Variants in PTPRD observed in about 807,000 individuals in gnomAD.
The protein encoded by PTPRD is protein tyrosine phosphatase receptor type D, also known as receptor-type tyrosine-protein phosphatase delta.
Under a neutral mutation model 214.5 loss-of-function variants are expected in PTPRD, and 34 were observed. That is an observed-to-expected ratio of 0.16 (90% CI 0.12 to 0.21). The LOEUF is 0.21. PTPRD is among the 10% of genes least tolerant of loss of function. PTPRD has a pLI of 1.00. For synonymous variants in PTPRD, 1,128 were observed against 845.7 expected (o/e 1.33, Z -5.79); for missense variants, 2,545 against 2,398.7 (o/e 1.06, Z -1.27).
chr9:10,406,788 T>C (rs1029165724), intron 2 of PTPRD, among the ~76,000 whole-genome samples: 1 of 145,142 alleles, frequency 6.9e-6, no homozygotes, highest in Non-Finnish European at 1.5e-5. Context: ...GCAAGAAAAA[T>C]AGATGTAAAA....
chr9:10,186,737 A>C (rs1223087847), intron 3 of PTPRD, among the ~76,000 whole-genome samples: 1 of 152,196 alleles, frequency 6.6e-6, no homozygotes, highest in Non-Finnish European at 1.5e-5. Context: ...TAAATTATTT[A>C]TCTGTATGAC....
At chr9:8,969,361 C>T (rs907561060) in intron 11 of PTPRD, among the ~76,000 whole-genome samples, 32 of 152,020 alleles carry the variant, frequency 2.1e-4, no homozygotes, top group Non-Finnish European at 2.9e-5. Flanking sequence ...CCATCAAAGC[C>T]ACTCCTGAGC....
At chr9:9,375,367 T>G (rs960260727) in intron 9 of PTPRD, among the ~76,000 whole-genome samples, 14 of 152,056 alleles carry the variant, frequency 9.2e-5, no homozygotes, top group African/African-American at 3.4e-4. Context: ...GGAGGCCAAG[T>G]CTGGCAGATC....
chr9:9,972,643 T>C (rs1486148232), intron 4 of PTPRD, among the ~76,000 whole-genome samples: 1 of 152,178 alleles, frequency 6.6e-6, no homozygotes, highest in African/African-American at 2.4e-5. Context: ...GGAAATCCAA[T>C]ATCAACCTCA....
intron 2 of PTPRD, among the ~76,000 whole-genome samples, chr9:10,553,074 T>A (rs1393876355): frequency 6.6e-6 from 1 of 152,188 alleles, no homozygotes; most frequent in Non-Finnish European, 1.5e-5. Context: ...GAGCCCATCA[T>A]AGTGATCACT....
At chr9:9,950,878 A>C (rs1306531968) in intron 4 of PTPRD, among the ~76,000 whole-genome samples, 1 of 152,122 alleles carries the variant, frequency 6.6e-6, no homozygotes, top group Non-Finnish European at 1.5e-5. Context: ...GTCTCAAATA[A>C]CAGTAGCAGC....
chr9:9,521,438 C>T (rs1035609713), intron 8 of PTPRD, among the ~76,000 whole-genome samples: 5 of 152,278 alleles, frequency 3.3e-5, no homozygotes, highest in Middle Eastern at 3.4e-3. Flanking sequence ...GGAAAAAAAC[C>T]TGGCAGATTA....
intron 6 of PTPRD, among the ~76,000 whole-genome samples, chr9:9,741,186 G>C (rs985323711): frequency 6.6e-6 from 1 of 152,146 alleles, no homozygotes; most frequent in African/African-American, 2.4e-5. Flanking sequence ...TGGGTACATA[G>C]TTCTGAAATC....
At chr9:9,699,058 C>T (rs770489596) in intron 7 of PTPRD, among the ~76,000 whole-genome samples, 9 of 152,120 alleles carry the variant, frequency 5.9e-5, no homozygotes, top group Non-Finnish European at 1.2e-4. Flanking sequence ...TTCTTCTACT[C>T]ATGTTTATTG....
At chr9:8,683,837 C>G (rs1455832808) in intron 12 of PTPRD, among the ~76,000 whole-genome samples, 1 of 152,226 alleles carries the variant, frequency 6.6e-6, no homozygotes, top group African/African-American at 2.4e-5. Context: ...CTTCCCCGAC[C>G]AGAACCAGGA....
rs1029800385 is a variant in PTPRD, at chr9:8,521,460, C to T, written c.778G>A (p.Val260Met). ...TTTACATAAGGCATTGGTGACCCCACGGCCACACAGGTGATATTAACGCTT... is the reference window on the plus strand; with the variant it reads ...TTTACATAAGGCATTGGTGACCCCATGGCCACACAGGTGATATTAACGCTT... The part of the protein sequence containing the change: ...GGSVNITCVA[V>M]GSPMPYVKWM... The change falls in exon 20 of 46, where the codon GTG becomes ATG. Residue 260 changes from valine (V) to methionine (M), a missense_variant. Physicochemically the swap from Val to Met is conservative, Grantham distance 21 (BLOSUM62 1). Coordinates refer to ENST00000381196, the MANE Select transcript of PTPRD (RefSeq NM_002839.4). 2 of 1,614,020 alleles carry T rather than the reference C, an allele frequency of 1.2e-6. No homozygotes were observed. Among genetic ancestry groups the T allele is most frequent in the Non-Finnish European group, 1.7e-6 (2 of 1,179,916 alleles).
At chr9:10,343,994 T>TG (rs2097005252) in intron 2 of PTPRD, among the ~76,000 whole-genome samples, 1 of 140,898 alleles carries the variant, frequency 7.1e-6, no homozygotes, top group African/African-American at 2.6e-5. Context: ...TTTTTTTTTT[T>TG]TTTTTTTTTT....
At chr9:10,206,620 T>A (rs1035654117) in intron 3 of PTPRD, among the ~76,000 whole-genome samples, 1 of 152,212 alleles carries the variant, frequency 6.6e-6, no homozygotes, top group East Asian at 1.9e-4. Context: ...GAGAATTATA[T>A]CTCAACTAAG....
chr9:10,342,579 T>C (rs767692686), intron 2 of PTPRD, among the ~76,000 whole-genome samples: 2 of 152,104 alleles, frequency 1.3e-5, no homozygotes, highest in Non-Finnish European at 1.5e-5. Flanking sequence ...AATCTAAAAA[T>C]AAAGAGTCAA....
At chr9:9,264,213 A>G (rs533080707) in intron 9 of PTPRD, among the ~76,000 whole-genome samples, 7 of 151,770 alleles carry the variant, frequency 4.6e-5, no homozygotes, top group Admixed American at 3.9e-4. Flanking sequence ...ACCTAAAAGA[A>G]TTGGACATCT....
chr9:8,777,697 T>C (rs2095539696), intron 11 of PTPRD, among the ~76,000 whole-genome samples: 1 of 152,188 alleles, frequency 6.6e-6, no homozygotes, highest in Admixed American at 6.5e-5. Context: ...AGGTCAGTGA[T>C]AAAAGAGAGC....
intron 3 of PTPRD, among the ~76,000 whole-genome samples, chr9:10,294,745 G>T (rs2095626666): frequency 6.6e-6 from 1 of 151,884 alleles, no homozygotes; most frequent in African/African-American, 2.4e-5. Context: ...AAATTAGGTG[G>T]ATTGTAATTT....
At chr9:9,953,217 G>T (rs1432779867) in intron 4 of PTPRD, among the ~76,000 whole-genome samples, 1 of 152,140 alleles carries the variant, frequency 6.6e-6, no homozygotes, top group African/African-American at 2.4e-5. Flanking sequence ...TATTTCTGCA[G>T]CAGTAATCAG....
intron 10 of PTPRD, among the ~76,000 whole-genome samples, chr9:9,110,521 C>T (rs79691478): frequency 0.014 from 2,088 of 152,192 alleles, 39 homozygotes; most frequent in East Asian, 0.064. Context: ...TCTTCTTCTC[C>T]ACTCTTGCTA....
Sources: allele counts gnomAD v4.1 joint callset (sites outside exome capture counted in the v4.1 genomes callset), GRCh38; gene constraint gnomAD v4.1.1; transcripts MANE v1.5; gene names NCBI Gene and HGNC (gene_info 2026-07-23, HGNC 2026-07-21).